Variants in CCDC158 observed in about 807,000 individuals in gnomAD.
The protein encoded by CCDC158 is coiled-coil domain-containing protein 158.
In CCDC158, 116 loss-of-function variants were observed where a neutral mutation model predicts 138.6. The ratio of observed to expected loss-of-function variants is 0.84; its 90% CI spans 0.72 to 0.98. The LOEUF (loss-of-function observed/expected upper bound fraction) is 0.98, where lower values mean the gene tolerates loss of function less well. Among genes scored for constraint, CCDC158 ranks in the 50% least tolerant of loss-of-function variants. CCDC158 has a pLI of 0.00. For synonymous variants in CCDC158, 436 were observed against 442.4 expected (o/e 0.99, Z 0.18); for missense variants, 1,265 against 1,306.1 (o/e 0.97, Z 0.48).
chr4:76,332,955 C>A (rs1721133085), intron 19 of CCDC158, among the ~76,000 whole-genome samples: 1 of 152,064 alleles, frequency 6.6e-6, no homozygotes, highest in Admixed American at 6.6e-5. Context: ...TCAATATATG[C>A]CTAAGTTTAC....
intron 3 of CCDC158, among the ~76,000 whole-genome samples, chr4:76,402,674 G>T (rs925685410): frequency 1.3e-5 from 2 of 152,076 alleles, no homozygotes; most frequent in Admixed American, 1.3e-4. Flanking sequence ...AAATAATTTG[G>T]ATCAGAGGTG....
At chr4:76,364,568 A>C (rs62300858) in intron 12 of CCDC158, among the ~76,000 whole-genome samples, 33,792 of 152,216 alleles carry the variant, frequency 0.22, 3,948 homozygotes, top group Middle Eastern at 0.29. Flanking sequence ...AGTTAAATAA[A>C]ATGTTATTAA....
intron 2 of CCDC158, among the ~76,000 whole-genome samples, chr4:76,408,690 G>A (rs1729041731): frequency 6.6e-6 from 1 of 152,150 alleles, no homozygotes; most frequent in Non-Finnish European, 1.5e-5. Context: ...ATAATCCTTT[G>A]CATATATACC....
intron 9 of CCDC158, among the ~76,000 whole-genome samples, chr4:76,372,543 G>T (rs968948333): frequency 6.6e-6 from 1 of 152,154 alleles, no homozygotes; most frequent in Admixed American, 6.5e-5. Context: ...GAATATCAAA[G>T]TTTCGGTAAT....
chr4:76,419,714 C>G (rs773969041), intron 1 of CCDC158, among the ~76,000 whole-genome samples: 1 of 151,796 alleles, frequency 6.6e-6, no homozygotes, highest in Non-Finnish European at 1.5e-5. Context: ...TTAGGACCCA[C>G]CTAGATAATT....
At chr4:76,350,837 T>C (rs948302965) in intron 18 of CCDC158, among the ~76,000 whole-genome samples, 159 bp downstream of exon 18, 5 of 152,354 alleles carry the variant, frequency 3.3e-5, no homozygotes, top group Admixed American at 2.0e-4. Flanking sequence ...TTTATTCACC[T>C]GGACTCCATT....
intron 8 of CCDC158, 24 bp from the exon 9 acceptor site, chr4:76,379,428 T>A (rs775060735): frequency 7.0e-7 from 1 of 1,427,888 alleles, no homozygotes; most frequent in East Asian, 2.4e-5. Context: ...AGAAGGGGAA[T>A]AAGTGCAAAT....
chr4:76,343,987 T>C (rs1722303147), intron 18 of CCDC158, among the ~76,000 whole-genome samples: 1 of 152,136 alleles, frequency 6.6e-6, no homozygotes, highest in Admixed American at 6.5e-5. Flanking sequence ...CAACATAGTA[T>C]TGGAAGTTCT....
intron 18 of CCDC158, among the ~76,000 whole-genome samples, chr4:76,348,160 C>T (rs1211656732): frequency 6.6e-6 from 1 of 151,118 alleles, no homozygotes; most frequent in Non-Finnish European, 1.5e-5. Context: ...CGCGGTGGCT[C>T]AGGCCTGTAA....
At chr4:76,370,286 G>A (rs1464620584) in intron 10 of CCDC158, among the ~76,000 whole-genome samples, 1 of 152,150 alleles carries the variant, frequency 6.6e-6, no homozygotes, top group South Asian at 2.1e-4. Flanking sequence ...TCACTAAAGG[G>A]ATCAAAATGC....
At chr4:76,366,735 G>A (rs992921402) in intron 12 of CCDC158, among the ~76,000 whole-genome samples, 41 of 151,126 alleles carry the variant, frequency 2.7e-4, no homozygotes, top group African/African-American at 9.5e-4. Flanking sequence ...CCAAAACAGG[G>A]GAAAGAAACT....
chr4:76,406,755 G>A (rs1020654719), intron 2 of CCDC158, among the ~76,000 whole-genome samples: 2 of 152,056 alleles, frequency 1.3e-5, no homozygotes, highest in African/African-American at 4.8e-5. Context: ...GGAAACACAA[G>A]CTGAAATTAA....
At chr4:76,358,833 C>A (rs1408662045) in intron 13 of CCDC158, among the ~76,000 whole-genome samples, 1 of 152,172 alleles carries the variant, frequency 6.6e-6, no homozygotes, top group African/African-American at 2.4e-5. Flanking sequence ...TGTGGGGTTT[C>A]CAGGTTCTAC....
chr4:76,381,826 T>G (rs1019955239), intron 8 of CCDC158, among the ~76,000 whole-genome samples: 7 of 152,062 alleles, frequency 4.6e-5, no homozygotes, highest in Non-Finnish European at 1.0e-4. Context: ...GGACTACAGG[T>G]GCCCACCACC....
chr4:76,413,936 C>A (rs1267841593), intron 1 of CCDC158, among the ~76,000 whole-genome samples: 3 of 152,094 alleles, frequency 2.0e-5, no homozygotes, highest in East Asian at 3.9e-4. Context: ...TTTTACTTTT[C>A]TTTTTTCTTT....
intron 24 of CCDC158, among the ~76,000 whole-genome samples, chr4:76,318,505 T>C (rs1719627508): frequency 6.6e-6 from 1 of 151,936 alleles, no homozygotes; most frequent in Admixed American, 6.6e-5. Context: ...AGTAGTGAGA[T>C]TGAAACAGTA....
intron 2 of CCDC158, among the ~76,000 whole-genome samples, chr4:76,410,600 A>G (rs1432059822): frequency 6.6e-6 from 1 of 152,186 alleles, no homozygotes; most frequent in Non-Finnish European, 1.5e-5. Context: ...TTCCACAGAA[A>G]CCTGAGACTG....
chr4:76,322,145 T>TA (rs1049579121), intron 24 of CCDC158, among the ~76,000 whole-genome samples: 29 of 151,102 alleles, frequency 1.9e-4, no homozygotes, highest in Admixed American at 7.9e-4. Flanking sequence ...TATTGAAATT[T>TA]AAAAAAAAAT....
At chr4:76,319,196 CG>C (rs773729426) in intron 24 of CCDC158, among the ~76,000 whole-genome samples, 22 of 151,364 alleles carry the variant, frequency 1.5e-4, no homozygotes, top group Non-Finnish European at 2.9e-4. Context: ...GGTGTGAACC[CG>C]GGAGGCAGAG....
Sources: gnomAD v4.1 joint callset for allele counts (sites outside exome capture counted in the v4.1 genomes callset) on GRCh38, gnomAD v4.1.1 for gene constraint, MANE v1.5 for transcripts, NCBI Gene and HGNC (gene_info 2026-07-23, HGNC 2026-07-21) for gene names.